PHF12: variants seen among roughly 807,000 people sequenced by gnomAD.
PHF12 encodes PHD finger protein 12.
Under a neutral mutation model 99.8 loss-of-function variants are expected in PHF12, and 6 were observed. That is an observed-to-expected ratio of 0.06 (90% CI 0.03 to 0.12). The LOEUF (loss-of-function observed/expected upper bound fraction) is 0.12, where lower values mean the gene tolerates loss of function less well. Ranked by LOEUF, PHF12 falls within the 10% of genes least tolerant of loss-of-function variation. The pLI, the probability that PHF12 is intolerant of heterozygous loss-of-function variation, is 1.00. For synonymous variants in PHF12, 480 were observed against 514.9 expected, an observed-to-expected ratio of 0.93 and a Z score of 0.92; for missense variants, 954 against 1,300.1, an observed-to-expected ratio of 0.73 and a Z score of 4.09.
At chr17:28,941,103 T>A (rs981337232) in intron 2 of PHF12, among the ~76,000 whole-genome samples, 1 of 151,448 alleles carries the variant, frequency 6.6e-6, no homozygotes, top group African/African-American at 2.4e-5. Context: ...CTTGAATGCA[T>A]TTCCAGGAGC....
chr17:28,906,867 T>C lies in PHF12; in HGVS notation c.2669A>G (p.Gln890Arg). Residue 890 changes from glutamine (Q) to arginine (R), a missense_variant, in exon 14 of 15, where the codon CAG becomes CGG. Gln to Arg is a conservative substitution (Grantham distance 43). Coordinates refer to ENST00000332830, the MANE Select transcript of PHF12 (RefSeq NM_001033561.2). This position sits in a 1 kb window ranked among gnomAD's most constrained non-coding sequence, Gnocchi z 4.2. ...CTGCTCCAACTTACTGATGACACTC[T>C]GCACTTTGGCAACAATACTGCTTGG... is the stretch of plus-strand genomic sequence containing the variant. ...TPPSSIVAKV[Q>R]SVIRRRRHQK... 1.2e-6 allele frequency: 2 copies of C among 1,605,430 alleles called. No individual in the cohort carries two copies. The highest frequency in any genetic ancestry group is 1.7e-6 in the Non-Finnish European group (2 of 1,175,854).
intron 2 of PHF12, among the ~76,000 whole-genome samples, chr17:28,939,836 T>A (rs1309767857): frequency 6.6e-6 from 1 of 152,332 alleles, no homozygotes; most frequent in African/African-American, 2.4e-5. Context: ...GGTTCCCCTA[T>A]CCCTGCCTGG....
intron 2 of PHF12, among the ~76,000 whole-genome samples, chr17:28,936,319 C>T (rs999599499): frequency 1.3e-5 from 2 of 151,726 alleles, no homozygotes; most frequent in African/African-American, 4.8e-5. Flanking sequence ...GAGGGGAGAG[C>T]GGGGGATGGG....
At chr17:28,939,363 C>A (rs978655543) in intron 2 of PHF12, among the ~76,000 whole-genome samples, 1 of 152,218 alleles carries the variant, frequency 6.6e-6, no homozygotes, top group African/African-American at 2.4e-5. Flanking sequence ...ATATAGCCAA[C>A]CTATGTATCG....
Position 28,950,296 on chromosome 17 carries a change from GTCCGTCGCCCCCCCGGCGCGGTTTC to G in PHF12, c.67-75_67-51del. ...TGTGCACACTCGGAGCTCCCGGGCGGTCCGTCGCCCCCCCGGCGCGGTTTCTCCGTCACCCACCCCTCTCCCCCCT... is the reference window on the plus strand; with the variant it reads ...TGTGCACACTCGGAGCTCCCGGGCGGTCCGTCACCCACCCCTCTCCCCCCT... On this transcript the variant is annotated intron_variant, in intron 1 of 14. Coordinates refer to ENST00000332830, the MANE Select transcript of PHF12 (RefSeq NM_001033561.2). The surrounding 1 kb of genome is among the most constrained non-coding windows in gnomAD (Gnocchi z 5.7). 1.3e-6 allele frequency: 2 copies of G among 1,537,730 alleles called. No homozygotes were observed. Among genetic ancestry groups the G allele is most frequent in the Non-Finnish European group, 1.7e-6 (2 of 1,144,142 alleles).
chr17:28,927,541 C>A (rs1209246958), intron 2 of PHF12, among the ~76,000 whole-genome samples: 1 of 152,216 alleles, frequency 6.6e-6, no homozygotes, highest in African/African-American at 2.4e-5. Context: ...TCCTTTCATA[C>A]CTGCCTCAAT....
In PHF12 at chr17:28,911,531, G is replaced by A. The variant is rs573506101; in HGVS notation, c.2090-294C>T. ...TTCTTTGGGCCATGACCACCTCCCT[G>A]CTGCCTCTACTTTAAAATAAGTAGT... On this transcript the variant is annotated intron_variant, in intron 9 of 14. Transcript: ENST00000332830. 1.9e-4 allele frequency: 71 copies of A among 377,292 alleles called. 2 individuals carry two copies. Among genetic ancestry groups the A allele is most frequent in the African/African-American group, 1.0e-3 (49 of 48,154 alleles). The allele number at this position is 377,292 out of a possible 1,614,324, so 23.4% of individuals were successfully genotyped here. A position where few individuals can be genotyped will look rare whatever the true frequency, so the allele number is the denominator to read the frequency against.
At chr17:28,907,447 T>C in intron 13 of PHF12, 143 bp downstream of exon 13, 2 of 755,154 alleles carry the variant, frequency 2.6e-6, no homozygotes, top group South Asian at 3.5e-5. Context: ...AAGACTCTCC[T>C]CCTCCAGGAA....
intron 2 of PHF12, among the ~76,000 whole-genome samples, chr17:28,940,174 G>A (rs1180698931): frequency 3.3e-5 from 5 of 152,238 alleles, no homozygotes; most frequent in African/African-American, 9.6e-5. Context: ...TTCACCTTGT[G>A]TCTGTGTTAA....
chr17:28,915,037 G>T (rs138930782), intron 7 of PHF12, among the ~76,000 whole-genome samples: 66 of 152,340 alleles, frequency 4.3e-4, no homozygotes, highest in African/African-American at 1.4e-3. Flanking sequence ...ATGGGTTCTA[G>T]AAGAGAAGCA....
rs1209727898 is a variant in PHF12, at chr17:28,950,390, A to G, written c.67-144T>C. 1 of 944,296 alleles carries G rather than the reference A, an allele frequency of 1.1e-6. No individual in the cohort carries two copies. The highest frequency in any genetic ancestry group is 1.7e-5 in the South Asian group (1 of 57,738). The allele number at this position is 944,296 out of a possible 1,614,324, so 58.5% of individuals were successfully genotyped here. A position where few individuals can be genotyped will look rare whatever the true frequency, so the allele number is the denominator to read the frequency against. On this transcript the variant is annotated intron_variant, in intron 1 of 14. Coordinates refer to ENST00000332830, the MANE Select transcript of PHF12 (RefSeq NM_001033561.2). The surrounding 1 kb of genome is among the most constrained non-coding windows in gnomAD (Gnocchi z 5.7). ...ATCCAGGCTGCTCCCAGAATCTCTC[A>G]GCCCCCGGAACCAGGGGGAGCCCAC...
chr17:28,912,082 G>GGTGGTCGCCGTATCATTAAA, intron 9 of PHF12: 1 of 1,016,188 alleles, frequency 9.8e-7, no homozygotes, highest in Non-Finnish European at 1.2e-6. Flanking sequence ...GTGTGGATCT[G>GGTGGTCGCCGTATCATTAAA]ACAATACTGA....
intron 10 of PHF12, chr17:28,910,618 A>T (rs2039943227): frequency 1.8e-6 from 1 of 550,258 alleles, no homozygotes; most frequent in Non-Finnish European, 3.2e-6. Context: ...TTTTAATTAA[A>T]GTGCCCCTAG....
chr17:28,911,813 G>A (rs536747963), intron 9 of PHF12, among the ~76,000 whole-genome samples: 126 of 152,302 alleles, frequency 8.3e-4, no homozygotes, highest in African/African-American at 2.7e-3. Context: ...AGATGCTGGG[G>A]TCAGCAACTT....
chr17:28,912,578 T>C lies in PHF12; in HGVS notation c.1993A>G (p.Asn665Asp), dbSNP rs148412125. 84 of 1,614,140 alleles carry C rather than the reference T, an allele frequency of 5.2e-5. No homozygotes were observed. The African/African-American group carries it at 1.1e-3, about 21-fold the overall frequency. ...GGGGGAGTGAGCACCCGGGTGGCGT[T>C]TGGGGGTGAGCCCAGTGGCCTTGAA... is the stretch of plus-strand genomic sequence containing the variant. ...TDSRPLGSPP[N>D]ATRVLTPPQA... The change falls in exon 9 of 15, where the codon AAC (asparagine) becomes GAC (aspartate). Residue 665 changes from asparagine to aspartate, a missense_variant. Asn to Asp is a conservative substitution (Grantham distance 23, BLOSUM62 1). Around this residue, in one of 8 missense-constraint regions of PHF12, gnomAD observed 392 missense variants for 423.1 expected, o/e 0.93. Transcript: ENST00000332830.
intron 2 of PHF12, chr17:28,944,980 A>C (rs1209468079): frequency 1.3e-5 from 2 of 152,274 alleles, no homozygotes; most frequent in Non-Finnish European, 2.9e-5. Flanking sequence ...CCACCTCCTT[A>C]AAAGTTCAAA....
chr17:28,938,450 G>T (rs1404571190), intron 2 of PHF12, among the ~76,000 whole-genome samples: 1 of 152,054 alleles, frequency 6.6e-6, no homozygotes, highest in Admixed American at 6.5e-5. Context: ...GGCTGGTCTT[G>T]AACTCCTGAC....
At chr17:28,910,829 T>A in intron 10 of PHF12, 1 of 418,414 alleles carries the variant, frequency 2.4e-6, no homozygotes, top group Non-Finnish European at 4.3e-6. Flanking sequence ...ATCCAGGTGA[T>A]CTGCCTAAAG....
chr17:28,911,770 C>T (rs570712334), intron 9 of PHF12, among the ~76,000 whole-genome samples: 173 of 152,256 alleles, frequency 1.1e-3, no homozygotes, highest in African/African-American at 4.0e-3. Context: ...GGAGAGACCA[C>T]AGAGGGTTCC....
Sources: allele counts gnomAD v4.1 joint callset (sites outside exome capture counted in the v4.1 genomes callset), GRCh38; gene constraint gnomAD v4.1.1; regional missense constraint gnomAD v4.1.1; non-coding constraint Gnocchi (gnomAD v3.1); transcripts MANE v1.5; gene names NCBI Gene and HGNC (gene_info 2026-07-23, HGNC 2026-07-21).